NCKAP5: variants seen among roughly 807,000 people sequenced by gnomAD.
The protein encoded by NCKAP5 is nck-associated protein 5.
Under a neutral mutation model 167.0 loss-of-function variants are expected in NCKAP5, and 92 were observed. The ratio of observed to expected loss-of-function variants is 0.55; its 90% CI spans 0.47 to 0.66. The LOEUF (loss-of-function observed/expected upper bound fraction) is 0.66, where lower values mean the gene tolerates loss of function less well. Ranked by LOEUF, NCKAP5 falls within the 30% of genes least tolerant of loss-of-function variation. The pLI, the probability that NCKAP5 is intolerant of heterozygous loss-of-function variation, is 0.00. For synonymous variants in NCKAP5, 891 were observed against 877.4 expected (o/e 1.02, Z -0.27); for missense variants, 2,378 against 2,315.0 (o/e 1.03, Z -0.56).
At chr2:133,037,362 A>C (rs1407773623) in intron 6 of NCKAP5, among the ~76,000 whole-genome samples, 1 of 152,198 alleles carries the variant, frequency 6.6e-6, no homozygotes, top group Non-Finnish European at 1.5e-5. Flanking sequence ...AGAAAGAACA[A>C]AACTATAGGA....
At chr2:132,700,090 G>A (rs1439214405) in intron 19 of NCKAP5, among the ~76,000 whole-genome samples, 2 of 150,260 alleles carry the variant, frequency 1.3e-5, no homozygotes, top group Admixed American at 1.3e-4. Context: ...ATGATGATGA[G>A]CATTTTTTCA....
intron 3 of NCKAP5, among the ~76,000 whole-genome samples, chr2:133,350,455 T>C (rs1684283708): frequency 6.6e-6 from 1 of 152,114 alleles, no homozygotes; most frequent in Non-Finnish European, 1.5e-5. Flanking sequence ...ATATGAAACC[T>C]GACCATAACA....
At chr2:132,795,829 A>AAAC (rs1684544787) in intron 12 of NCKAP5, among the ~76,000 whole-genome samples, 1 of 150,238 alleles carries the variant, frequency 6.7e-6, no homozygotes, top group Non-Finnish European at 1.5e-5. Context: ...AGAAAAAAAA[A>AAAC]AAAAAAAAAC....
chr2:133,589,524 A>G, the NCKAP5 span, among the ~76,000 whole-genome samples: 1 of 152,218 alleles, frequency 6.6e-6, no homozygotes, highest in East Asian at 1.9e-4. Flanking sequence ...AGAGAGACCC[A>G]GGATGGAGGT....
At chr2:133,360,967 G>C (rs1389898044) in intron 3 of NCKAP5, among the ~76,000 whole-genome samples, 1 of 151,286 alleles carries the variant, frequency 6.6e-6, no homozygotes, top group South Asian at 2.1e-4. Flanking sequence ...CTAGCATATA[G>C]GGAAGACTCA....
chr2:133,566,609 G>C (rs1688572284), intron 1 of NCKAP5, among the ~76,000 whole-genome samples: 1 of 152,138 alleles, frequency 6.6e-6, no homozygotes, highest in African/African-American at 2.4e-5. Flanking sequence ...CCGCGTGTGG[G>C]TCCCATTTCT....
At chr2:133,203,341 G>A (rs1383812750) in intron 5 of NCKAP5, among the ~76,000 whole-genome samples, 1 of 152,036 alleles carries the variant, frequency 6.6e-6, no homozygotes, top group African/African-American at 2.4e-5. Context: ...ACTGAACAAT[G>A]AGAACACTTG....
chr2:133,583,044 G>A, the NCKAP5 span, among the ~76,000 whole-genome samples: 36 of 152,114 alleles, frequency 2.4e-4, no homozygotes, highest in Non-Finnish European at 3.7e-4. Flanking sequence ...TTTCTGGGAA[G>A]CAATTAGGCT....
At chr2:132,673,508 G>A (rs1477211151) in intron 19 of NCKAP5, among the ~76,000 whole-genome samples, 1 of 151,978 alleles carries the variant, frequency 6.6e-6, no homozygotes, top group Non-Finnish European at 1.5e-5. Flanking sequence ...ATTTTACTGA[G>A]ATAAATAGGT....
At chr2:133,581,622 C>A in the NCKAP5 span, among the ~76,000 whole-genome samples, 1 of 152,162 alleles carries the variant, frequency 6.6e-6, no homozygotes, top group African/African-American at 2.4e-5. Flanking sequence ...GGGGCTGAAC[C>A]AAACACAGCT....
intron 6 of NCKAP5, among the ~76,000 whole-genome samples, chr2:133,084,861 C>T (rs1469748002): frequency 6.6e-6 from 1 of 152,150 alleles, no homozygotes; most frequent in Admixed American, 6.5e-5. Flanking sequence ...AGAGAGACTT[C>T]ATCGCCTTAA....
intron 11 of NCKAP5, among the ~76,000 whole-genome samples, chr2:132,828,665 T>C (rs1399930763): frequency 6.6e-6 from 1 of 152,222 alleles, no homozygotes; most frequent in East Asian, 1.9e-4. Flanking sequence ...GCACTTAATG[T>C]AATGTGTGGA....
chr2:133,256,320 G>A (rs1026565275), intron 4 of NCKAP5, among the ~76,000 whole-genome samples: 17 of 151,994 alleles, frequency 1.1e-4, no homozygotes, highest in African/African-American at 3.9e-4. Flanking sequence ...GCATCTAGAT[G>A]AAACCCTTCA....
intron 11 of NCKAP5, among the ~76,000 whole-genome samples, chr2:132,831,487 T>C (rs1173639757): frequency 1.3e-5 from 2 of 152,202 alleles, no homozygotes; most frequent in Admixed American, 6.5e-5. Flanking sequence ...TTTTTATTTC[T>C]CTGTTCATTG....
chr2:132,975,184 A>T (rs1331065756), intron 7 of NCKAP5, among the ~76,000 whole-genome samples: 1 of 152,248 alleles, frequency 6.6e-6, no homozygotes, highest in African/African-American at 2.4e-5. Flanking sequence ...ACAGTTTAAC[A>T]GTACTACTGT....
At chr2:133,130,671 T>TA (rs1469441177) in intron 5 of NCKAP5, among the ~76,000 whole-genome samples, 2 of 152,224 alleles carry the variant, frequency 1.3e-5, no homozygotes, top group African/African-American at 4.8e-5. Context: ...TTTATAATCC[T>TA]AGATAACTAG....
intron 6 of NCKAP5, chr2:133,117,117 T>A (rs1052181005): frequency 6.6e-6 from 1 of 152,200 alleles, no homozygotes; most frequent in Admixed American, 6.5e-5. Context: ...GCTAAGAATA[T>A]CTTCCGTAGA....
Position 133,406,162 on chromosome 2 carries a change from A to T in NCKAP5, c.70-103052T>A, listed in dbSNP as rs1339058497. 3.9e-5 allele frequency among the ~76,000 whole-genome samples: 6 copies of T among 152,242 alleles called. No individual in the cohort carries two copies. In the East Asian group the frequency reaches 9.6e-4, roughly 24 times the overall value. ...CTCACATTGGAAGCATCCCTGGAAC[A>T]GTTAGAAGAAGAGAGGCTTTAGGCA... On this transcript the variant is annotated intron_variant, in intron 3 of 19. Coordinates refer to ENST00000409261, the MANE Select transcript of NCKAP5 (RefSeq NM_207363.3).
chr2:132,701,361 T>C (rs997710456), intron 19 of NCKAP5, among the ~76,000 whole-genome samples: 1 of 152,168 alleles, frequency 6.6e-6, no homozygotes, highest in Non-Finnish European at 1.5e-5. Context: ...CTGGTCTCTG[T>C]AACATTTCAC....
Sources: gnomAD v4.1 joint callset for allele counts (sites outside exome capture counted in the v4.1 genomes callset) on GRCh38, gnomAD v4.1.1 for gene constraint, MANE v1.5 for transcripts, NCBI Gene and HGNC (gene_info 2026-07-23, HGNC 2026-07-21) for gene names.